RELN: variants seen among roughly 807,000 people sequenced by gnomAD.
The protein encoded by RELN is reelin.
Under a neutral mutation model 427.6 loss-of-function variants are expected in RELN, and 108 were observed. That is an observed-to-expected ratio of 0.25 (90% CI 0.22 to 0.30). RELN has a LOEUF of 0.30. Among genes scored for constraint, RELN ranks in the 10% least tolerant of loss-of-function variants. RELN has a pLI of 1.00. For missense variants in RELN, 3,715 were observed against 4,302.8 expected, an observed-to-expected ratio of 0.86 and a Z score of 3.82; for synonymous variants, 1,524 against 1,513.4, an observed-to-expected ratio of 1.01 and a Z score of -0.16.
intron 1 of RELN, among the ~76,000 whole-genome samples, chr7:103,919,817 A>G (rs1795572947): frequency 6.6e-6 from 1 of 152,226 alleles, no homozygotes; most frequent in Non-Finnish European, 1.5e-5. Context: ...AAAGTGATTT[A>G]TGACAAGTTA....
At chr7:103,856,731 C>T (rs1793957300) in intron 2 of RELN, among the ~76,000 whole-genome samples, 1 of 152,090 alleles carries the variant, frequency 6.6e-6, no homozygotes, top group Non-Finnish European at 1.5e-5. Context: ...ACCAGTGCTG[C>T]AGGACACTTA....
chr7:103,887,113 T>C (rs1794740620), intron 2 of RELN, among the ~76,000 whole-genome samples: 1 of 152,226 alleles, frequency 6.6e-6, no homozygotes, highest in Non-Finnish European at 1.5e-5. Flanking sequence ...GGCAATTTAA[T>C]TGCCAAGGAA....
intron 7 of RELN, among the ~76,000 whole-genome samples, chr7:103,724,090 A>T (rs1336887865): frequency 6.6e-6 from 1 of 152,080 alleles, no homozygotes; most frequent in African/African-American, 2.4e-5. Context: ...AATATAGGAC[A>T]TTTCAGTTAC....
chr7:103,796,368 A>G (rs536145583), intron 3 of RELN, among the ~76,000 whole-genome samples: 1 of 152,168 alleles, frequency 6.6e-6, no homozygotes, highest in Admixed American at 6.5e-5. Flanking sequence ...CCTAATTCAA[A>G]TTTCTGGAAT....
Position 103,487,711 on chromosome 7 carries a change from C to T in RELN, c.9764-1295G>A, listed in dbSNP as rs138499945. ...TGAACTCTCACCCTGGTATGAGAGG[C>T]CTATCTAATTTCTTTTTTCCTAGCA... On this transcript the variant is annotated intron_variant, in intron 60 of 64. Transcript: ENST00000428762. Among the ~76,000 whole-genome samples the T allele has an allele frequency of 6.2e-3, 938 of 152,244 alleles. 11 individuals are homozygous for T. Among genetic ancestry groups the T allele is most frequent in the African/African-American group, 0.021 (857 of 41,526 alleles).
At chr7:103,788,100 A>T (rs1022701193) in intron 3 of RELN, among the ~76,000 whole-genome samples, 2 of 152,170 alleles carry the variant, frequency 1.3e-5, no homozygotes, top group Admixed American at 1.3e-4. Flanking sequence ...CATGATTATC[A>T]CAATAGATGC....
chr7:103,677,290 T>G (rs546052707), intron 11 of RELN, among the ~76,000 whole-genome samples: 87 of 151,162 alleles, frequency 5.8e-4, no homozygotes, highest in Non-Finnish European at 1.1e-3. Context: ...AGGGATAACA[T>G]TAGGAGAAAT....
intron 28 of RELN, among the ~76,000 whole-genome samples, chr7:103,579,599 CAAA>C (rs34750174): frequency 4.6e-5 from 3 of 64,774 alleles, no homozygotes; most frequent in Admixed American, 1.8e-4. Flanking sequence ...ACTCCATCTC[CAAA>C]AAAAAAAAAA....
At chr7:103,981,093 A>G (rs1200058771) in intron 1 of RELN, among the ~76,000 whole-genome samples, 1 of 152,234 alleles carries the variant, frequency 6.6e-6, no homozygotes, top group East Asian at 1.9e-4. Flanking sequence ...TCAATATGTA[A>G]TAAGCAAAAG....
At chr7:103,901,356 A>G (rs1407511278) in intron 2 of RELN, among the ~76,000 whole-genome samples, 7 of 152,172 alleles carry the variant, frequency 4.6e-5, no homozygotes, top group Non-Finnish European at 8.8e-5. Context: ...CAGTTCTTCA[A>G]AAAATTAAAA....
chr7:103,478,566 T>G (rs1313006473), intron 63 of RELN, 172 bp from the exon 64 acceptor site: 1 of 649,544 alleles, frequency 1.5e-6, no homozygotes, highest in East Asian at 2.8e-5. Context: ...CTTATTCTTC[T>G]ATACCCAAGA....
chr7:103,665,337 GGTGTGTGT>G (rs565319459), intron 11 of RELN, among the ~76,000 whole-genome samples: 21 of 146,616 alleles, frequency 1.4e-4, no homozygotes, highest in Non-Finnish European at 1.8e-4. Flanking sequence ...TCATACATAT[GGTGTGTGT>G]GTGTGTGTGT....
At chr7:103,762,391 T>G (rs1230919030) in intron 4 of RELN, among the ~76,000 whole-genome samples, 1 of 152,230 alleles carries the variant, frequency 6.6e-6, no homozygotes, top group African/African-American at 2.4e-5. Flanking sequence ...GTACCTCAAG[T>G]ACATAGAAGC....
At chr7:103,897,184 A>G (rs553720557) in intron 2 of RELN, among the ~76,000 whole-genome samples, 2 of 152,272 alleles carry the variant, frequency 1.3e-5, no homozygotes, top group African/African-American at 4.8e-5. Flanking sequence ...ATTCAAGGTG[A>G]GAGCTGGGTG....
intron 2 of RELN, among the ~76,000 whole-genome samples, chr7:103,870,516 C>A (rs1303442811): frequency 1.3e-5 from 2 of 152,064 alleles, no homozygotes; most frequent in Non-Finnish European, 2.9e-5. Flanking sequence ...AGCATCCAAG[C>A]TCAGTCATCC....
intron 1 of RELN, among the ~76,000 whole-genome samples, chr7:103,961,989 G>A (rs1796566833): frequency 6.6e-6 from 1 of 152,060 alleles, no homozygotes; most frequent in African/African-American, 2.4e-5. Flanking sequence ...AGGGGTGAGG[G>A]GTGGAGAAGC....
rs146909886 is a variant in RELN, at chr7:103,649,027, A to T, written c.2002+1247T>A. Among the ~76,000 whole-genome samples the T allele has an allele frequency of 3.2e-4, 49 of 152,094 alleles. No homozygotes were observed. In the East Asian group the frequency reaches 8.7e-3, roughly 27 times the overall value. The stretch of plus-strand genomic sequence containing the variant: ...GTAAAACCTCTGGAAAACAGTATAG[A>T]TATCTCTCAAAAAATGAAAACTAGA... On this transcript the variant is annotated intron_variant, in intron 16 of 64. Transcript: ENST00000428762.
chr7:103,782,308 T>G (rs1013955088), intron 3 of RELN, among the ~76,000 whole-genome samples: 1 of 152,154 alleles, frequency 6.6e-6, no homozygotes, highest in Non-Finnish European at 1.5e-5. Flanking sequence ...TGCATTCTGC[T>G]GCGGCACAGG....
chr7:103,711,255 T>C (rs973324136), intron 8 of RELN, among the ~76,000 whole-genome samples: 1 of 152,222 alleles, frequency 6.6e-6, no homozygotes. Flanking sequence ...TTGTACCTAA[T>C]TTGGAATGTG....
Sources: allele counts gnomAD v4.1 joint callset (sites outside exome capture counted in the v4.1 genomes callset), GRCh38; gene constraint gnomAD v4.1.1; transcripts MANE v1.5; gene names NCBI Gene and HGNC (gene_info 2026-07-23, HGNC 2026-07-21).